The following EPS15 variants were observed in gnomAD, a reference collection of about 807,000 sequenced individuals.
The protein encoded by EPS15 is epidermal growth factor receptor substrate 15.
A neutral mutation model predicts 113.8 loss-of-function variants in EPS15; 72 were observed. That is an observed-to-expected ratio of 0.63 (90% CI 0.52 to 0.77). EPS15 has a LOEUF of 0.77. Among genes scored for constraint, EPS15 ranks in the 30% least tolerant of loss-of-function variants. EPS15 has a pLI of 0.00. For missense variants in EPS15, 1,048 were observed against 1,045.8 expected, an observed-to-expected ratio of 1.00 and a Z score of -0.03; for synonymous variants, 344 against 363.4, an observed-to-expected ratio of 0.95 and a Z score of 0.61.
At position 51,403,443 on chromosome 1, in the gene EPS15, G is replaced by T; in HGVS notation, c.1767C>A (p.Leu589=). The T allele has an allele frequency of 6.2e-7, 1 of 1,600,754 alleles. No homozygotes were observed. Among genetic ancestry groups the T allele is most frequent in the Admixed American group, 1.7e-5 (1 of 59,082 alleles). The change falls in exon 17 of 25, where the codon CTC becomes CTA. Residue 589 remains leucine (L), a synonymous_variant. Coordinates refer to ENST00000371733, the MANE Select transcript of EPS15 (RefSeq NM_001981.3). ...TAVTEKVCSE[L]DNNRHSKEED... ...CCTCTTTTGAATGTCTATTATTGTC[G>T]AGTTCAGAACAAACTTTTTCAGTAA...
chr1:51,403,011 T>C (rs1648728450), intron 17 of EPS15, among the ~76,000 whole-genome samples: 1 of 152,240 alleles, frequency 6.6e-6, no homozygotes, highest in Admixed American at 6.5e-5. Flanking sequence ...TATTTTTCTC[T>C]TTCCTTCACC....
chr1:51,484,546 T>C (rs370574666), intron 1 of EPS15, among the ~76,000 whole-genome samples: 1 of 152,356 alleles, frequency 6.6e-6, no homozygotes, highest in African/African-American at 2.4e-5. Context: ...TATCAACTAG[T>C]AGTCTATAAG....
chr1:51,486,715 G>C (rs1285556301), intron 1 of EPS15, among the ~76,000 whole-genome samples: 1 of 151,708 alleles, frequency 6.6e-6, no homozygotes, highest in Non-Finnish European at 1.5e-5. Flanking sequence ...TTTTGCTCTT[G>C]TTACCCAGGC....
chr1:51,517,795 C>A (rs935941650), intron 1 of EPS15, among the ~76,000 whole-genome samples: 5 of 152,182 alleles, frequency 3.3e-5, no homozygotes, highest in African/African-American at 1.2e-4. Flanking sequence ...AATAGACTTT[C>A]CTTATGACAC....
intron 1 of EPS15, among the ~76,000 whole-genome samples, chr1:51,506,253 AT>A (rs984091118): frequency 2.6e-5 from 4 of 152,154 alleles, no homozygotes; most frequent in African/African-American, 9.7e-5. Context: ...GATGGCTCAT[AT>A]TTTTAAATGC....
At chr1:51,419,836 G>A (rs1650577846) in intron 13 of EPS15, among the ~76,000 whole-genome samples, 1 of 151,926 alleles carries the variant, frequency 6.6e-6, no homozygotes, top group Admixed American at 6.6e-5. Context: ...TACCACCTAT[G>A]GTAAGTTTTG....
intron 1 of EPS15, among the ~76,000 whole-genome samples, chr1:51,489,080 G>A (rs1293859440): frequency 6.6e-6 from 1 of 150,892 alleles, no homozygotes; most frequent in African/African-American, 2.4e-5. Context: ...TACCCCACTT[G>A]GATTGTTACT....
intron 13 of EPS15, among the ~76,000 whole-genome samples, chr1:51,413,616 A>T (rs1343811024): frequency 6.6e-6 from 1 of 152,226 alleles, no homozygotes; most frequent in African/African-American, 2.4e-5. Flanking sequence ...AATGCTTTTT[A>T]AACTTTTTAA....
rs1300966202 is a variant in EPS15, at chr1:51,458,494, T to A, written c.561+2597A>T. 3.2e-5 allele frequency: 14 copies of A among 431,174 alleles called. No homozygotes were observed. In the Admixed American group the frequency reaches 3.5e-4, roughly 11 times the overall value. The allele number at this position is 431,174 out of a possible 1,614,324, so 26.7% of individuals were successfully genotyped here. Reference sequence around the variant, plus strand: ...GCTCATGCCTGTAATCCCGGCACTTTGGGAGGCCGAGGCGAGTGGATCACC... The same window carrying A: ...GCTCATGCCTGTAATCCCGGCACTTAGGGAGGCCGAGGCGAGTGGATCACC... On this transcript the variant is annotated intron_variant, in intron 8 of 24. Coordinates refer to ENST00000371733, the MANE Select transcript of EPS15 (RefSeq NM_001981.3).
chr1:51,451,350 G>A (rs923922096), intron 8 of EPS15, among the ~76,000 whole-genome samples: 2 of 151,358 alleles, frequency 1.3e-5, no homozygotes, highest in African/African-American at 4.9e-5. Flanking sequence ...AATTAGCCAG[G>A]CGTGGTGGCG....
intron 6 of EPS15, 95 bp from the exon 7 acceptor site, chr1:51,463,893 G>GT: frequency 1.7e-6 from 1 of 593,388 alleles, no homozygotes; most frequent in Non-Finnish European, 2.8e-6. Context: ...GACTACATAT[G>GT]TTTTTAAACT....
intron 1 of EPS15, among the ~76,000 whole-genome samples, chr1:51,501,447 T>C (rs753108395): frequency 2.0e-5 from 3 of 151,968 alleles, no homozygotes; most frequent in African/African-American, 4.8e-5. Context: ...TACTCATTGG[T>C]AGTATTATTA....
chr1:51,472,244 C>T (rs1344802428), intron 3 of EPS15, among the ~76,000 whole-genome samples: 1 of 152,060 alleles, frequency 6.6e-6, no homozygotes, highest in Admixed American at 6.6e-5. Context: ...AGTCACATGC[C>T]TTTTTCATTA....
At chr1:51,367,969 T>A (rs1182303072) in intron 21 of EPS15, among the ~76,000 whole-genome samples, 11 of 151,972 alleles carry the variant, frequency 7.2e-5, no homozygotes, top group Non-Finnish European at 1.5e-4. Context: ...CCGTCTCTAC[T>A]AAAAATACAA....
intron 21 of EPS15, chr1:51,382,408 T>C (rs1004106840): frequency 1.3e-5 from 2 of 151,030 alleles, no homozygotes; most frequent in Non-Finnish European, 2.9e-5. Context: ...TGGCATTCCA[T>C]ATTTTTAATT....
rs538294740 is a variant in EPS15 at position 51,381,388 on chromosome 1, T to A, written c.2119+12993A>T. ...TGGGCAGGTCCCTTGAGATCAGGAG[T>A]TCGAGACCAGCCTGGCCAACATGGT... On this transcript the variant is annotated intron_variant, in intron 21 of 24. Transcript: ENST00000371733. Among the ~76,000 whole-genome samples, 111 of 151,756 alleles carry A rather than the reference T, an allele frequency of 7.3e-4. 1 individual carries two copies. The highest frequency in any genetic ancestry group is 1.3e-3 in the Non-Finnish European group (90 of 67,904).
At chr1:51,450,873 A>G (rs1224791942) in intron 8 of EPS15, among the ~76,000 whole-genome samples, 1 of 152,006 alleles carries the variant, frequency 6.6e-6, no homozygotes, top group Non-Finnish European at 1.5e-5. Context: ...ATTTTTAAAA[A>G]TGGTATATCC....
At chr1:51,376,209 A>T (rs1242107620) in intron 21 of EPS15, among the ~76,000 whole-genome samples, 1 of 152,248 alleles carries the variant, frequency 6.6e-6, no homozygotes, top group Non-Finnish European at 1.5e-5. Flanking sequence ...ATGCTCATTG[A>T]CCATTCTGAA....
chr1:51,357,417 TATATA>T (rs1209994038), intron 24 of EPS15, among the ~76,000 whole-genome samples: 7 of 64,806 alleles, frequency 1.1e-4, no homozygotes, highest in Admixed American at 1.9e-4. Flanking sequence ...TATATATATA[TATATA>T]TATATTTTTT....
Sources: gnomAD v4.1 joint callset for allele counts (sites outside exome capture counted in the v4.1 genomes callset) on GRCh38, gnomAD v4.1.1 for gene constraint, MANE v1.5 for transcripts, NCBI Gene and HGNC (gene_info 2026-07-23, HGNC 2026-07-21) for gene names.